Variants in ESR1 observed in about 807,000 individuals in gnomAD.
The protein encoded by ESR1 is estrogen receptor.
Under a neutral mutation model 52.7 loss-of-function variants are expected in ESR1, and 12 were observed. The observed-to-expected ratio is 0.23, with a 90% CI of 0.15 to 0.37. ESR1 has a LOEUF of 0.37. ESR1 is among the 10% of genes least tolerant of loss of function. The pLI, the probability that ESR1 is intolerant of heterozygous loss-of-function variation, is 1.00. For synonymous variants in ESR1, 305 were observed against 316.8 expected (o/e 0.96, Z 0.39); for missense variants, 584 against 779.7 (o/e 0.75, Z 2.99).
At chr6:151,676,433 T>C (rs559840063) in intron 1 of ESR1, among the ~76,000 whole-genome samples, 18 of 152,354 alleles carry the variant, frequency 1.2e-4, no homozygotes, top group Admixed American at 3.3e-4. Flanking sequence ...AAGCATTGCC[T>C]GGGCTTTTCC....
At chr6:151,730,143 G>A (rs1782132850) in intron 2 of ESR1, among the ~76,000 whole-genome samples, 1 of 152,014 alleles carries the variant, frequency 6.6e-6, no homozygotes, top group African/African-American at 2.4e-5. Context: ...GGTCCCAGAG[G>A]GTGGGCTTCT....
chr6:151,684,799 C>T (rs1202733412), intron 1 of ESR1, among the ~76,000 whole-genome samples: 1 of 152,204 alleles, frequency 6.6e-6, no homozygotes, highest in East Asian at 1.9e-4. Flanking sequence ...CTCACAGAAG[C>T]CCCCAGTGCT....
At chr6:151,756,125 T>C (rs1417580918) in intron 2 of ESR1, among the ~76,000 whole-genome samples, 2 of 152,174 alleles carry the variant, frequency 1.3e-5, no homozygotes, top group African/African-American at 2.4e-5. Flanking sequence ...CTTCAGGTGA[T>C]TATTAAAATT....
At chr6:151,680,432 G>A (rs1217304114) in intron 1 of ESR1, among the ~76,000 whole-genome samples, 1 of 152,056 alleles carries the variant, frequency 6.6e-6, no homozygotes, top group Non-Finnish European at 1.5e-5. Context: ...TTGAACTCCT[G>A]ACCTCAAGTG....
intron 5 of ESR1, among the ~76,000 whole-genome samples, chr6:152,019,928 C>A (rs1353757024): frequency 6.6e-6 from 1 of 152,138 alleles, no homozygotes; most frequent in Non-Finnish European, 1.5e-5. Flanking sequence ...CCATAGGGCG[C>A]TGTATGATAC....
chr6:152,001,171 C>T lies in ESR1; in HGVS notation c.1097-10485C>T, dbSNP rs545554739. Among the ~76,000 whole-genome samples the T allele has an allele frequency of 8.3e-4, 126 of 152,024 alleles. 1 individual carries two copies. Among genetic ancestry groups the T allele is most frequent in the Middle Eastern group, 3.4e-3 (1 of 294 alleles). On this transcript the variant is annotated intron_variant, in intron 4 of 7. Coordinates refer to ENST00000206249, the MANE Select transcript of ESR1 (RefSeq NM_000125.4). Reference sequence around the variant, plus strand: ...CTGGTGTCTTAGTCTATTTTCTGTTCCTATAATAGAATACCTGAGACTGGG... The same window carrying T: ...CTGGTGTCTTAGTCTATTTTCTGTTTCTATAATAGAATACCTGAGACTGGG...
At chr6:151,795,204 G>A (rs1057437410) in intron 2 of ESR1, among the ~76,000 whole-genome samples, 1 of 152,046 alleles carries the variant, frequency 6.6e-6, no homozygotes, top group Non-Finnish European at 1.5e-5. Flanking sequence ...TGTCTGAAAA[G>A]AGCTGGGTGT....
At chr6:151,726,287 A>C (rs1781830861) in intron 2 of ESR1, among the ~76,000 whole-genome samples, 1 of 152,004 alleles carries the variant, frequency 6.6e-6, no homozygotes. Context: ...ATCTTTCGTT[A>C]CATTTGTTCA....
chr6:152,091,313 G>A (rs2050160511), intron 6 of ESR1, among the ~76,000 whole-genome samples: 1 of 152,240 alleles, frequency 6.6e-6, no homozygotes, highest in Admixed American at 6.5e-5. Context: ...CATTTCAACA[G>A]GACCTATTTT....
chr6:151,958,102 T>C (rs932435773), intron 4 of ESR1, among the ~76,000 whole-genome samples: 2 of 152,202 alleles, frequency 1.3e-5, no homozygotes, highest in African/African-American at 4.8e-5. Flanking sequence ...CAATTGTACC[T>C]GGAATAAATG....
chr6:151,861,302 A>G lies in ESR1; in HGVS notation c.643+18515A>G, dbSNP rs368894176. 9.8e-5 allele frequency among the ~76,000 whole-genome samples: 15 copies of G among 152,322 alleles called. No individual in the cohort carries two copies. The East Asian group carries it at 2.5e-3, about 25-fold the overall frequency. The stretch of plus-strand genomic sequence containing the variant: ...AGCTAAATTTCATAATAACCTTTAT[A>G]ATTGCTACCTGAAAATGGAGTTTGG... On this transcript the variant is annotated intron_variant, in intron 2 of 7. Coordinates refer to ENST00000206249, the MANE Select transcript of ESR1 (RefSeq NM_000125.4).
chr6:151,748,912 G>T (rs1783686336), intron 2 of ESR1, among the ~76,000 whole-genome samples: 1 of 152,120 alleles, frequency 6.6e-6, no homozygotes. Flanking sequence ...AATTGAAGAA[G>T]GTGATTGGTT....
chr6:151,821,861 G>A (rs1780608818), intron 1 of ESR1, among the ~76,000 whole-genome samples: 1 of 152,068 alleles, frequency 6.6e-6, no homozygotes, highest in Admixed American at 6.5e-5. Flanking sequence ...TTTTCCCCTT[G>A]TAGTTTAATA....
chr6:151,979,552 T>G (rs2128668095), intron 4 of ESR1, among the ~76,000 whole-genome samples: 1 of 152,268 alleles, frequency 6.6e-6, no homozygotes, highest in Admixed American at 6.5e-5. Context: ...AGAAATACAA[T>G]CATATAAAAT....
At position 152,099,777 on chromosome 6, in the gene ESR1, T is replaced by C. The variant is rs1456468433; in HGVS notation, c.*811T>C. On this transcript the variant is annotated 3_prime_UTR_variant, in exon 8 of 8. Transcript: ENST00000206249. ...AGTTCCTGATTTTTGTTTTTATTTTTGTGTTACAAAAGAAAGCCCTCCCTC... is the reference window on the plus strand; with the variant it reads ...AGTTCCTGATTTTTGTTTTTATTTTCGTGTTACAAAAGAAAGCCCTCCCTC... The C allele has an allele frequency of 2.6e-6, 1 of 381,554 alleles. No individual in the cohort carries two copies. The highest frequency in any genetic ancestry group is 4.6e-6 in the Non-Finnish European group (1 of 215,606). The allele number at this position is 381,554 out of a possible 1,614,324, so 23.6% of individuals were successfully genotyped here.
chr6:151,824,470 C>T (rs9479125), intron 1 of ESR1, among the ~76,000 whole-genome samples: 2 of 151,920 alleles, frequency 1.3e-5, no homozygotes, highest in South Asian at 2.1e-4. Flanking sequence ...GAAGCTCTTT[C>T]GTTTAATTAG....
At chr6:151,786,939 A>C (rs1787086816) in intron 2 of ESR1, among the ~76,000 whole-genome samples, 1 of 152,124 alleles carries the variant, frequency 6.6e-6, no homozygotes, top group African/African-American at 2.4e-5. Context: ...TCTCCCAAGT[A>C]GTTTGGATTA....
chr6:152,075,871 A>G (rs1237805282), intron 6 of ESR1, among the ~76,000 whole-genome samples: 2 of 152,156 alleles, frequency 1.3e-5, no homozygotes, highest in Admixed American at 1.3e-4. Flanking sequence ...ATGATGTTTT[A>G]TAAACACTTC....
intron 2 of ESR1, among the ~76,000 whole-genome samples, chr6:151,738,691 A>G (rs1174198554): frequency 6.6e-6 from 1 of 152,208 alleles, no homozygotes; most frequent in Non-Finnish European, 1.5e-5. Context: ...GAAGCTGTCT[A>G]TGAAAACTTG....
Sources: gnomAD v4.1 joint callset for allele counts (sites outside exome capture counted in the v4.1 genomes callset) on GRCh38, gnomAD v4.1.1 for gene constraint, MANE v1.5 for transcripts, NCBI Gene and HGNC (gene_info 2026-07-23, HGNC 2026-07-21) for gene names.